Variants in KMT2E observed in about 807,000 individuals in gnomAD.
KMT2E encodes lysine methyltransferase 2E (inactive).
KMT2E carries 30 observed loss-of-function variants against 184.6 expected under a neutral mutation model. That is an observed-to-expected ratio of 0.16 (90% CI 0.12 to 0.22). The LOEUF is 0.22. KMT2E is among the 10% of genes least tolerant of loss of function. The probability of loss-of-function intolerance (pLI) is 1.00; values close to 1 mark genes in which losing one functional copy is unlikely to be tolerated. For synonymous variants in KMT2E, 815 were observed against 776.5 expected, an observed-to-expected ratio of 1.05 and a Z score of -0.82; for missense variants, 2,023 against 2,237.4, an observed-to-expected ratio of 0.90 and a Z score of 1.93.
chr7:105,053,754 CTG>C (rs2129566404), intron 3 of KMT2E, among the ~76,000 whole-genome samples: 1 of 152,272 alleles, frequency 6.6e-6, no homozygotes, highest in South Asian at 2.1e-4. Flanking sequence ...TGGCTCATGA[CTG>C]TAATCTACTC....
At chr7:105,099,711 C>A (rs913996136) in intron 15 of KMT2E, among the ~76,000 whole-genome samples, 1 of 152,114 alleles carries the variant, frequency 6.6e-6, no homozygotes, top group Non-Finnish European at 1.5e-5. Flanking sequence ...TTTACACATA[C>A]AATGATTTTT....
At chr7:105,058,609 C>A (rs1349601557) in intron 3 of KMT2E, among the ~76,000 whole-genome samples, 1 of 152,130 alleles carries the variant, frequency 6.6e-6, no homozygotes, top group Non-Finnish European at 1.5e-5. Context: ...ATGTTAGAAT[C>A]CCCTTTTATG....
chr7:105,064,265 C>A (rs1584748100), intron 5 of KMT2E: 1 of 276,630 alleles, frequency 3.6e-6, no homozygotes, highest in East Asian at 1.1e-4. Context: ...CTGAGTTTAT[C>A]CCCTGCATAG....
At chr7:105,041,191 C>T (rs1158589719) in intron 3 of KMT2E, among the ~76,000 whole-genome samples, 168 bp downstream of exon 3, 4 of 150,098 alleles carry the variant, frequency 2.7e-5, no homozygotes, top group African/African-American at 9.8e-5. Context: ...ACACTGAGAA[C>T]GTGATTGCTA....
chr7:105,021,316 A>C (rs1794942555), intron 1 of KMT2E, among the ~76,000 whole-genome samples: 1 of 152,236 alleles, frequency 6.6e-6, no homozygotes, highest in Admixed American at 6.5e-5. Flanking sequence ...CCTTCGCTGT[A>C]ACAATATTTT....
chr7:105,105,435 C>T lies in KMT2E; in HGVS notation c.2197-4C>T, dbSNP rs1203870473. On this transcript the variant is annotated splice_polypyrimidine_tract_variant and splice_region_variant and intron_variant, in intron 17 of 26. Transcript: ENST00000311117. ...TAATGATCCAATTTTTTTCTTTTCT[C>T]TAGCACTTGGTTAATGAATGGTTAA... 22 of 1,566,864 alleles carry T rather than the reference C, an allele frequency of 1.4e-5. No individual in the cohort carries two copies. Among genetic ancestry groups the T allele is most frequent in the Admixed American group, 1.0e-4 (5 of 47,794 alleles).
chr7:105,102,197 A>G lies in KMT2E; in HGVS notation c.2196+3A>G, dbSNP rs1216858573. The G allele has an allele frequency of 6.3e-7, 1 of 1,575,992 alleles. No homozygotes were observed. Among genetic ancestry groups the G allele is most frequent in the Non-Finnish European group, 8.6e-7 (1 of 1,168,218 alleles). The stretch of plus-strand genomic sequence containing the variant: ...CCAAGTACCCCAAAACAAAGAAGGT[A>G]TGATTCTAATGAATGTAAGAACTGT... On this transcript the variant is annotated splice_donor_region_variant and intron_variant, in intron 17 of 26. Transcript: ENST00000311117.
intron 9 of KMT2E, 81 bp from the exon 10 acceptor site, chr7:105,076,872 TTGTGTGTGTG>T (rs10598888): frequency 0.081 from 51,020 of 631,088 alleles, 1,048 homozygotes; most frequent in African/African-American, 0.13. Flanking sequence ...GCCGTTAATT[TTGTGTGTGTG>T]TGTGTGTGTG....
Position 105,077,103 on chromosome 7 carries a change from A to C in KMT2E, c.909A>C (p.Ile303=), listed in dbSNP as rs751472805. 6.2e-7 allele frequency: 1 copy of C among 1,614,058 alleles called. No homozygotes were observed. The highest frequency in any genetic ancestry group is 8.5e-7 in the Non-Finnish European group (1 of 1,179,956). ...GTGTTCAGAGGGAGGCACAAAGAAT[A>C]GCTCTGAGATTAGGCAATGGAAATG... The part of the protein sequence containing the change: ...SEGVQREAQR[I]ALRLGNGNDK... The change falls in exon 10 of 27, where the codon ATA becomes ATC. Residue 303 remains isoleucine (I), a synonymous_variant. Transcript: ENST00000311117.
intron 3 of KMT2E, among the ~76,000 whole-genome samples, chr7:105,054,505 T>C (rs1310203218): frequency 6.6e-6 from 1 of 150,900 alleles, no homozygotes; most frequent in African/African-American, 2.4e-5. Flanking sequence ...TCTATCTATC[T>C]ATCTATCTAT....
intron 3 of KMT2E, among the ~76,000 whole-genome samples, chr7:105,044,469 C>A (rs1796016238): frequency 6.6e-6 from 1 of 152,002 alleles, no homozygotes; most frequent in South Asian, 2.1e-4. Context: ...GCACTGAGAC[C>A]CCAGAGTAGT....
chr7:105,039,619 G>A (rs1268992457), intron 2 of KMT2E, among the ~76,000 whole-genome samples: 2 of 152,118 alleles, frequency 1.3e-5, no homozygotes, highest in African/African-American at 4.8e-5. Flanking sequence ...GATTACCAAA[G>A]CGGGTTAATA....
chr7:105,077,236 T>G, intron 10 of KMT2E, 43 bp downstream of exon 10: 1 of 1,602,920 alleles, frequency 6.2e-7, no homozygotes, highest in Non-Finnish European at 8.5e-7. Context: ...CAGTTTTATA[T>G]TGTGAATTTT....
chr7:105,054,374 C>A (rs1037047283), intron 3 of KMT2E, among the ~76,000 whole-genome samples: 2 of 151,552 alleles, frequency 1.3e-5, no homozygotes, highest in Admixed American at 1.3e-4. Context: ...AGACACTTGG[C>A]TCTGTAGTTG....
Position 105,108,926 on chromosome 7 carries a change from AT to A in KMT2E, c.3469-15del, listed in dbSNP as rs781501217. Reference sequence around the variant, plus strand: ...AAGAATAAAAGATTTGCTTTTTCTCATCTTTCTTGCTTAAGGTTTCTCTATT... The same window carrying A: ...AAGAATAAAAGATTTGCTTTTTCTCACTTTCTTGCTTAAGGTTTCTCTATT... On this transcript the variant is annotated splice_polypyrimidine_tract_variant and intron_variant, in intron 22 of 26. Coordinates refer to ENST00000311117, the MANE Select transcript of KMT2E (RefSeq NM_182931.3). The A allele has an allele frequency of 3.2e-6, 5 of 1,574,930 alleles. No individual in the cohort carries two copies. In the South Asian group the frequency reaches 5.8e-5, roughly 18 times the overall value.
chr7:105,112,289 G>C lies in KMT2E; in HGVS notation c.4533G>C (p.Gln1511His), dbSNP rs201953965. 1.6e-5 allele frequency: 26 copies of C among 1,613,896 alleles called. No homozygotes were observed. The highest frequency in any genetic ancestry group is 2.0e-5 in the Non-Finnish European group (24 of 1,180,018). ...CACAGAACCTTCCAGCCAATACTCA[G>C]CAGGCAACTTCTGGAACATTATTTA... ...PAAQNLPANT[Q>H]QATSGTLFTQ... Residue 1511 changes from glutamine to histidine, a missense_variant, in exon 27 of 27, where the codon CAG becomes CAC. Coordinates refer to ENST00000311117, the MANE Select transcript of KMT2E (RefSeq NM_182931.3).
At position 105,060,385 on chromosome 7, in the gene KMT2E, G is replaced by A. The variant is rs114718463; in HGVS notation, c.72-1779G>A. On this transcript the variant is annotated intron_variant, in intron 3 of 26. Transcript: ENST00000311117. ...ATTATATTGGAGGTGCCGTCTACAC[G>A]TGTACCATTTTTTATCTTTTTTATT... Among the ~76,000 whole-genome samples, 561 of 152,004 alleles carry A rather than the reference G, an allele frequency of 3.7e-3. 3 individuals carry two copies. Among genetic ancestry groups the A allele is most frequent in the African/African-American group, 0.012 (512 of 41,490 alleles).
chr7:105,015,713 G>T (rs748823505), intron 1 of KMT2E, among the ~76,000 whole-genome samples: 2 of 152,058 alleles, frequency 1.3e-5, no homozygotes, highest in Non-Finnish European at 2.9e-5. Context: ...TAATCAGCTC[G>T]GGTCCTCCAC....
chr7:105,024,356 G>T (rs184181070), intron 1 of KMT2E, among the ~76,000 whole-genome samples: 1 of 152,276 alleles, frequency 6.6e-6, no homozygotes, highest in Non-Finnish European at 1.5e-5. Flanking sequence ...TAAACAAAAG[G>T]TATGGCGGAA....
Sources: allele counts gnomAD v4.1 joint callset (sites outside exome capture counted in the v4.1 genomes callset), GRCh38; gene constraint gnomAD v4.1.1; transcripts MANE v1.5; gene names NCBI Gene and HGNC (gene_info 2026-07-23, HGNC 2026-07-21).